Variants in RMDN1 observed in about 807,000 individuals in gnomAD.
RMDN1 encodes regulator of microtubule dynamics 1.
Under a neutral mutation model 48.9 loss-of-function variants are expected in RMDN1, and 48 were observed. The ratio of observed to expected loss-of-function variants is 0.98; its 90% confidence interval spans 0.78 to 1.25. RMDN1 has a LOEUF of 1.25. Ranked by LOEUF, RMDN1 falls within the 50% of genes most tolerant of loss-of-function variation. RMDN1 has a pLI of 0.00. For missense variants in RMDN1, 418 were observed against 373.4 expected, an observed-to-expected ratio of 1.12 and a Z score of -0.98; for synonymous variants, 148 against 132.6, an observed-to-expected ratio of 1.12 and a Z score of -0.80.
chr8:86,503,366 C>CAAAAAAAAAAAAAAAAA lies in RMDN1; in HGVS notation c.247+3628_247+3629insTTTTTTTTTTTTTTTTT, dbSNP rs1354324383. Among the ~76,000 whole-genome samples, 54 of 70,372 alleles carry CAAAAAAAAAAAAAAAAA rather than the reference C, an allele frequency of 7.7e-4. 1 individual carries two copies. Among genetic ancestry groups the CAAAAAAAAAAAAAAAAA allele is most frequent in the Non-Finnish European group, 1.5e-3 (43 of 27,802 alleles). The allele number at this position is 70,372 out of a possible 152,430, so 46.2% of individuals were successfully genotyped here. A position where few individuals can be genotyped will look rare whatever the true frequency, so the allele number is the denominator to read the frequency against. On this transcript the variant is annotated intron_variant, in intron 2 of 9. Coordinates refer to ENST00000406452, the MANE Select transcript of RMDN1 (RefSeq NM_016033.3). ...GACTCCGTCTCAAAACAAAACAAAA[C>CAAAAAAAAAAAAAAAAA]AAAACAAAAAAAAAAAAAAAAAACA...
At chr8:86,469,876 C>A (rs757596291), downstream of RMDN1, among the ~76,000 whole-genome samples, 4 of 152,162 alleles carry the variant, frequency 2.6e-5, no homozygotes, top group Non-Finnish European at 5.9e-5. Context: ...TACTGGTATT[C>A]ATGGTAAATC....
rs114871575 is a variant in RMDN1 at position 86,502,840 on chromosome 8, T to G, written c.247+4155A>C. Among the ~76,000 whole-genome samples, 722 of 152,288 alleles carry G rather than the reference T, an allele frequency of 4.7e-3. 5 individuals are homozygous for G. Among genetic ancestry groups the G allele is most frequent in the African/African-American group, 0.016 (684 of 41,560 alleles). On this transcript the variant is annotated intron_variant, in intron 2 of 9. Coordinates refer to ENST00000406452, the MANE Select transcript of RMDN1 (RefSeq NM_016033.3). ...TACATGGTCTCTGTAGCATGTTCTT[T>G]TTCTTCCCCCCAACTCTTCAAACTC...
chr8:86,490,590 C>A (rs1399783119), intron 2 of RMDN1, among the ~76,000 whole-genome samples: 3 of 149,098 alleles, frequency 2.0e-5, no homozygotes, highest in Admixed American at 6.6e-5. Flanking sequence ...CCAGTCAGAC[C>A]CATTTTTGGC....
intron 1 of RMDN1, among the ~76,000 whole-genome samples, chr8:86,513,913 C>T (rs1820175995): frequency 1.3e-5 from 2 of 151,240 alleles, no homozygotes; most frequent in South Asian, 2.1e-4. Context: ...TGCAGAGGCA[C>T]GAACATGGCG....
chr8:86,505,619 G>A (rs1346981252), intron 2 of RMDN1, among the ~76,000 whole-genome samples: 1 of 152,142 alleles, frequency 6.6e-6, no homozygotes, highest in Non-Finnish European at 1.5e-5. Flanking sequence ...TGTTACATAG[G>A]TATACATGTC....
chr8:86,493,878 G>A (rs113389054), intron 2 of RMDN1, among the ~76,000 whole-genome samples: 268 of 152,208 alleles, frequency 1.8e-3, no homozygotes, highest in African/African-American at 6.3e-3. Flanking sequence ...ATCTCATTAG[G>A]TATATGCAAA....
upstream of RMDN1, among the ~76,000 whole-genome samples, chr8:86,513,601 C>G (rs1008105525): frequency 6.6e-6 from 1 of 152,196 alleles, no homozygotes; most frequent in Non-Finnish European, 1.5e-5. Context: ...AGTTTACTTA[C>G]AATTTGTGTG....
chr8:86,498,789 G>GA (rs1393635489), intron 2 of RMDN1, among the ~76,000 whole-genome samples: 15 of 151,870 alleles, frequency 9.9e-5, no homozygotes, highest in African/African-American at 3.4e-4. Flanking sequence ...TTAAGAAAAA[G>GA]AAAAAAGAAT....
At chr8:86,503,371 CAAAAAAAAA>C (rs1182231210) in intron 2 of RMDN1, among the ~76,000 whole-genome samples, 1 of 68,038 alleles carries the variant, frequency 1.5e-5, no homozygotes, top group African/African-American at 1.0e-4. Context: ...CAAAACAAAA[CAAAAAAAAA>C]AAAAAAAAAC....
chr8:86,494,658 C>CTAGAG (rs1202838585), intron 2 of RMDN1, among the ~76,000 whole-genome samples: 1 of 152,146 alleles, frequency 6.6e-6, no homozygotes, highest in African/African-American at 2.4e-5. Flanking sequence ...TTGTGCAGGC[C>CTAGAG]TCATAGAGGC....
At chr8:86,471,563 GA>G (rs1812571511), downstream of RMDN1, among the ~76,000 whole-genome samples, 1 of 151,860 alleles carries the variant, frequency 6.6e-6, no homozygotes, top group Non-Finnish European at 1.5e-5. Context: ...CTAAAATCAG[GA>G]AAAAAATTCG....
Position 86,492,399 on chromosome 8 carries a change from T to A in RMDN1, c.248-3760A>T, listed in dbSNP as rs1461834803. Among the ~76,000 whole-genome samples the A allele has an allele frequency of 2.6e-5, 4 of 152,114 alleles. No homozygotes were observed. The East Asian group carries it at 5.8e-4, about 22-fold the overall frequency. Reference sequence around the variant, plus strand: ...CAGGCGTGGTGGCTCACACTTACAATCCTAGCACTTTGGGAGGCCAAGGCG... The same window carrying A: ...CAGGCGTGGTGGCTCACACTTACAAACCTAGCACTTTGGGAGGCCAAGGCG... On this transcript the variant is annotated intron_variant, in intron 2 of 9. Coordinates refer to ENST00000406452, the MANE Select transcript of RMDN1 (RefSeq NM_016033.3).
rs767231039 is a variant in RMDN1, at chr8:86,480,355, A to C, written c.586-23T>G. ...TTTCTAACAAGAAATGAGAAAAATA[A>C]ATCATATTTGTTTTCTAAACACCAA... On this transcript the variant is annotated intron_variant, in intron 5 of 9. Coordinates refer to ENST00000406452, the MANE Select transcript of RMDN1 (RefSeq NM_016033.3). 1.6e-5 allele frequency: 22 copies of C among 1,391,672 alleles called. No individual in the cohort carries two copies. In the African/African-American group the frequency reaches 1.6e-4, roughly 10 times the overall value. 86.2% of individuals were successfully genotyped at this position (1,391,672 alleles called of 1,614,324 possible).
chr8:86,500,119 C>G (rs12546895), intron 2 of RMDN1, among the ~76,000 whole-genome samples: 24,968 of 151,986 alleles, frequency 0.16, 2,645 homozygotes, highest in East Asian at 0.34. Flanking sequence ...GACATAGGCC[C>G]TGGCAAAGAT....
At chr8:86,480,484 T>C in intron 5 of RMDN1, 152 bp from the exon 6 acceptor site, 1 of 496,020 alleles carries the variant, frequency 2.0e-6, no homozygotes, top group Non-Finnish European at 3.7e-6. Flanking sequence ...CTCCTGATTC[T>C]TTGATTAAAT....
chr8:86,471,921 A>G (rs1812621248), downstream of RMDN1, among the ~76,000 whole-genome samples: 1 of 152,236 alleles, frequency 6.6e-6, no homozygotes, highest in Non-Finnish European at 1.5e-5. Flanking sequence ...GGATGGAAAG[A>G]TTAGCAACAA....
At chr8:86,504,680 C>A (rs953823564) in intron 2 of RMDN1, 12 of 875,578 alleles carry the variant, frequency 1.4e-5, no homozygotes, top group Non-Finnish European at 2.4e-5. Context: ...TTGTCTTTAT[C>A]GGGGCTATCT....
intron 5 of RMDN1, among the ~76,000 whole-genome samples, 190 bp from the exon 6 acceptor site, chr8:86,480,522 T>C (rs1814205783): frequency 6.6e-6 from 1 of 152,100 alleles, no homozygotes; most frequent in Non-Finnish European, 1.5e-5. Context: ...TAATGACTTA[T>C]ACTAATGTTA....
chr8:86,487,657 T>C (rs1815704358), intron 3 of RMDN1, among the ~76,000 whole-genome samples: 1 of 152,116 alleles, frequency 6.6e-6, no homozygotes. Flanking sequence ...ATCCTAACTT[T>C]ATTTTTTTAA....
Sources: gnomAD v4.1 joint callset for allele counts (sites outside exome capture counted in the v4.1 genomes callset) on GRCh38, gnomAD v4.1.1 for gene constraint, MANE v1.5 for transcripts, NCBI Gene and HGNC (gene_info 2026-07-23, HGNC 2026-07-21) for gene names.